The following BEGAIN variants were observed in gnomAD, a reference collection of about 807,000 sequenced individuals.
The protein encoded by BEGAIN is brain-enriched guanylate kinase-associated protein.
In BEGAIN, 19 loss-of-function variants were observed where a neutral mutation model predicts 35.8. The ratio of observed to expected loss-of-function variants is 0.53; its 90% CI spans 0.37 to 0.78. BEGAIN has a LOEUF of 0.78. Ranked by LOEUF, BEGAIN falls within the 30% of genes least tolerant of loss-of-function variation. The probability of loss-of-function intolerance (pLI) is 0.00; values close to 1 mark genes in which losing one functional copy is unlikely to be tolerated. For synonymous variants in BEGAIN, 462 were observed against 388.6 expected, an observed-to-expected ratio of 1.19 and a Z score of -2.22; for missense variants, 795 against 853.6, an observed-to-expected ratio of 0.93 and a Z score of 0.85.
chr14:100,553,432 C>T (rs2033396614), intron 2 of BEGAIN, among the ~76,000 whole-genome samples: 2 of 152,276 alleles, frequency 1.3e-5, no homozygotes, highest in South Asian at 2.1e-4. Context: ...ACACCATACT[C>T]CTGGCCCCCA....
chr14:100,572,566 T>C (rs916559729), intron 1 of BEGAIN, among the ~76,000 whole-genome samples: 2 of 152,122 alleles, frequency 1.3e-5, no homozygotes, highest in African/African-American at 4.8e-5. Flanking sequence ...CCCTGAATCT[T>C]GTTGCCCTTA....
intron 1 of BEGAIN, among the ~76,000 whole-genome samples, chr14:100,575,481 C>T (rs927292084): frequency 6.6e-6 from 1 of 152,186 alleles, no homozygotes; most frequent in Non-Finnish European, 1.5e-5. Context: ...CACAGCCCAA[C>T]CAGGACTCTG....
At chr14:100,545,862 C>T (rs1211332834) in intron 3 of BEGAIN, among the ~76,000 whole-genome samples, 4 of 152,180 alleles carry the variant, frequency 2.6e-5, no homozygotes, top group East Asian at 3.9e-4. Context: ...GCAACACCAG[C>T]CGATTCTCTA....
At position 100,539,218 on chromosome 14, in the gene BEGAIN, A is replaced by G. The variant is rs1182772312; in HGVS notation, c.590T>C (p.Val197Ala). 2 of 1,587,208 alleles carry G rather than the reference A, an allele frequency of 1.3e-6. No individual in the cohort carries two copies. The highest frequency in any genetic ancestry group is 1.7e-6 in the Non-Finnish European group (2 of 1,165,746). Residue 197 changes from valine to alanine, a missense_variant, in exon 7 of 7, where the codon GTC becomes GCC. Physicochemically the swap from Val to Ala is moderately conservative, Grantham distance 64 (BLOSUM62 0). Coordinates refer to ENST00000554140, the MANE Select transcript of BEGAIN (RefSeq NM_001385089.1). ...PLCHPAYADS[V>A]PTCVIAKVLE... ...CACCTTGGCAATGACGCAGGTGGGGACGCTGTCGGCGTAGGCCGGGTGGCA... is the reference window on the plus strand; with the variant it reads ...CACCTTGGCAATGACGCAGGTGGGGGCGCTGTCGGCGTAGGCCGGGTGGCA...
Position 100,538,517 on chromosome 14 carries a change from C to T in BEGAIN, c.1291G>A (p.Glu431Lys), listed in dbSNP as rs764640194. The change falls in exon 7 of 7, where the codon GAG becomes AAG. Residue 431 changes from glutamate (E) to lysine (K), a missense_variant. This residue lies in a region of BEGAIN where 664 missense variants were observed against 647.7 expected (regional missense o/e 1.03). Coordinates refer to ENST00000554140, the MANE Select transcript of BEGAIN (RefSeq NM_001385089.1). ...AKPGTARLPG[E>K]DMRGQWRPLS... ...GGACGCCACTGGCCCCTCATGTCCT[C>T]CCCGGGGAGCCGGGCGGTCCCCGGC... The T allele has an allele frequency of 6.6e-7, 1 of 1,522,306 alleles. No homozygotes were observed. The highest frequency in any genetic ancestry group is 8.8e-7 in the Non-Finnish European group (1 of 1,138,534). The allele number at this position is 1,522,306 out of a possible 1,614,324, so 94.3% of individuals were successfully genotyped here.
chr14:100,568,573 C>T lies in BEGAIN; in HGVS notation c.43-634G>A. The T allele has an allele frequency of 8.1e-7, 1 of 1,235,598 alleles. No individual in the cohort carries two copies. Among genetic ancestry groups the T allele is most frequent in the South Asian group, 1.3e-5 (1 of 78,294 alleles). 76.5% of individuals were successfully genotyped at this position (1,235,598 alleles called of 1,614,324 possible). A position where few individuals can be genotyped will look rare whatever the true frequency, so the allele number is the denominator to read the frequency against. ...GGGATTAACCCGTGAGCGCCCGGCT[C>T]GCCGGCGGGGCTCCCTGCCTTGCTT... On this transcript the variant is annotated intron_variant, in intron 1 of 6. Coordinates refer to ENST00000554140, the MANE Select transcript of BEGAIN (RefSeq NM_001385089.1). The surrounding 1 kb of genome is among the most constrained non-coding windows in gnomAD (Gnocchi z 7.5).
chr14:100,556,184 C>G (rs1002191360), intron 2 of BEGAIN, among the ~76,000 whole-genome samples: 2 of 152,176 alleles, frequency 1.3e-5, no homozygotes, highest in African/African-American at 2.4e-5. Flanking sequence ...TCCCCTCCCC[C>G]TCCTTCACTG....
chr14:100,584,453 A>C (rs1343082408), intron 1 of BEGAIN, among the ~76,000 whole-genome samples: 1 of 152,224 alleles, frequency 6.6e-6, no homozygotes, highest in Non-Finnish European at 1.5e-5. Context: ...GTCTCCCAGC[A>C]AACTGTGGAC....
rs947531706 is a variant in BEGAIN, at chr14:100,568,922, T to C, written c.43-983A>G. 232 of 983,704 alleles carry C rather than the reference T, an allele frequency of 2.4e-4. No homozygotes were observed. Among genetic ancestry groups the C allele is most frequent in the Middle Eastern group, 1.0e-3 (2 of 1,912 alleles). The allele number at this position is 983,704 out of a possible 1,614,324, so 60.9% of individuals were successfully genotyped here. A position where few individuals can be genotyped will look rare whatever the true frequency, so the allele number is the denominator to read the frequency against. ...ACCTGGGAAGACTGATGACTGCCCATCCCGGCCCCTCGCGCCGGGCGCCGC... is the reference window on the plus strand; with the variant it reads ...ACCTGGGAAGACTGATGACTGCCCACCCCGGCCCCTCGCGCCGGGCGCCGC... On this transcript the variant is annotated intron_variant, in intron 1 of 6. Coordinates refer to ENST00000554140, the MANE Select transcript of BEGAIN (RefSeq NM_001385089.1). The surrounding 1 kb of genome is among the most constrained non-coding windows in gnomAD (Gnocchi z 7.5).
At position 100,558,012 on chromosome 14, in the gene BEGAIN, T is replaced by C. The variant is rs1448214408; in HGVS notation, c.71+9899A>G. 2.6e-5 allele frequency among the ~76,000 whole-genome samples: 4 copies of C among 152,166 alleles called. No individual in the cohort carries two copies. Among genetic ancestry groups the C allele is most frequent in the Non-Finnish European group, 4.4e-5 (3 of 68,032 alleles). ...GGCAGCCCTCAGCTGGGCTGGACCG[T>C]GGCCACTGGCTTCCCCCAGCTGCAG... On this transcript the variant is annotated intron_variant, in intron 2 of 6. Transcript: ENST00000554140. The surrounding 1 kb of genome is among the most constrained non-coding windows in gnomAD (Gnocchi z 4.6).
In BEGAIN at chr14:100,568,625, G is replaced by T; in HGVS notation, c.43-686C>A. On this transcript the variant is annotated intron_variant, in intron 1 of 6. Transcript: ENST00000554140. This position sits in a 1 kb window ranked among gnomAD's most constrained non-coding sequence, Gnocchi z 7.5. Reference sequence around the variant, plus strand: ...CGCAGACCCGCCCGCGCGCGGCTTGGAGACCCTCCCTGCCCAGCCCCGCTC... The same window carrying T: ...CGCAGACCCGCCCGCGCGCGGCTTGTAGACCCTCCCTGCCCAGCCCCGCTC... 1.1e-6 allele frequency: 1 copy of T among 881,478 alleles called. No individual in the cohort carries two copies. The highest frequency in any genetic ancestry group is 1.5e-6 in the Non-Finnish European group (1 of 655,292). 54.6% of individuals were successfully genotyped at this position (881,478 alleles called of 1,614,324 possible).
chr14:100,540,166 C>T lies in BEGAIN; in HGVS notation c.492+330G>A, dbSNP rs115463177. ...CATCGTGCCCAGCCACAGGCTCCTG[C>T]GAAGCTCCACAAAGGTCACTCTGCC... On this transcript the variant is annotated intron_variant, in intron 6 of 6. Coordinates refer to ENST00000554140, the MANE Select transcript of BEGAIN (RefSeq NM_001385089.1). The T allele has an allele frequency of 5.9e-3, 1,868 of 317,358 alleles. 23 individuals carry two copies. The highest frequency in any genetic ancestry group is 0.032 in the African/African-American group (1,508 of 47,582). 19.7% of individuals were successfully genotyped at this position (317,358 alleles called of 1,614,324 possible). A position where few individuals can be genotyped will look rare whatever the true frequency, so the allele number is the denominator to read the frequency against.
In BEGAIN at chr14:100,538,261, C is replaced by T. The variant is rs1211742281; in HGVS notation, c.1547G>A (p.Gly516Asp). ...GCGGCCGGGACTGAGGCTCAGGTCG[C>T]CGCCCGCCCGCAGGAAGCAGGGCTC... Reference protein sequence around the residue: ...LAEPCFLRAGGDLSLSPGRSA... With the variant: ...LAEPCFLRAGDDLSLSPGRSA... Residue 516 changes from glycine to aspartate, a missense_variant, in exon 7 of 7, where the codon GGC becomes GAC. Physicochemically the swap from Gly to Asp is moderately conservative, Grantham distance 94 (BLOSUM62 -1). Transcript: ENST00000554140. 5 of 1,562,874 alleles carry T rather than the reference C, an allele frequency of 3.2e-6. No individual in the cohort carries two copies. The highest frequency in any genetic ancestry group is 4.3e-6 in the Non-Finnish European group (5 of 1,162,670).
At chr14:100,566,579 C>T (rs972371887) in intron 2 of BEGAIN, among the ~76,000 whole-genome samples, 3 of 152,202 alleles carry the variant, frequency 2.0e-5, no homozygotes, top group Admixed American at 2.0e-4. Flanking sequence ...CAGGGAAGGG[C>T]CCTGGCCTGG....
At chr14:100,551,233 C>T (rs538940512) in intron 2 of BEGAIN, among the ~76,000 whole-genome samples, 6 of 152,330 alleles carry the variant, frequency 3.9e-5, no homozygotes, top group Admixed American at 6.5e-5. Context: ...GGGCCCGGCC[C>T]GGCCCTGCTA....
chr14:100,561,578 G>A (rs549523236), intron 2 of BEGAIN, among the ~76,000 whole-genome samples: 1 of 152,244 alleles, frequency 6.6e-6, no homozygotes, highest in South Asian at 2.1e-4. Flanking sequence ...GTGACACCCT[G>A]TCTCTACCAA....
intron 5 of BEGAIN, among the ~76,000 whole-genome samples, chr14:100,543,100 A>G (rs534810808): frequency 6.6e-6 from 1 of 152,302 alleles, no homozygotes; most frequent in South Asian, 2.1e-4. Flanking sequence ...GGATGTCTGC[A>G]TGGCTGGCTC....
At chr14:100,549,692 T>C (rs2032980076) in intron 2 of BEGAIN, 1 of 152,206 alleles carries the variant, frequency 6.6e-6, no homozygotes, top group South Asian at 2.1e-4. Context: ...TGGTCCACAT[T>C]CTACATAGTA....
At chr14:100,540,627 C>G in intron 5 of BEGAIN, 48 bp from the exon 6 acceptor site, 1 of 1,460,392 alleles carries the variant, frequency 6.8e-7, no homozygotes, top group Non-Finnish European at 9.4e-7. Flanking sequence ...CAGCCAAGGC[C>G]CCGCCGCCCT....
Sources: allele counts gnomAD v4.1 joint callset (sites outside exome capture counted in the v4.1 genomes callset), GRCh38; gene constraint gnomAD v4.1.1; regional missense constraint gnomAD v4.1.1; non-coding constraint Gnocchi (gnomAD v3.1); transcripts MANE v1.5; gene names NCBI Gene and HGNC (gene_info 2026-07-23, HGNC 2026-07-21).